DCDC1: variants seen among roughly 807,000 people sequenced by gnomAD.
The protein encoded by DCDC1 is doublecortin domain containing 1.
Under a neutral mutation model 178.3 loss-of-function variants are expected in DCDC1, and 200 were observed. The observed-to-expected ratio is 1.12, with a 90% confidence interval of 1.00 to 1.26. The LOEUF is 1.26. Among genes scored for constraint, DCDC1 ranks in the 50% most tolerant of loss-of-function variants. The probability of loss-of-function intolerance (pLI) is 0.00; values close to 1 mark genes in which losing one functional copy is unlikely to be tolerated. For missense variants in DCDC1, 1,983 were observed against 1,749.2 expected, an observed-to-expected ratio of 1.13 and a Z score of -2.38; for synonymous variants, 690 against 604.8, an observed-to-expected ratio of 1.14 and a Z score of -2.07.
intron 18 of DCDC1, among the ~76,000 whole-genome samples, chr11:31,070,670 T>C (rs1956503330): frequency 6.6e-6 from 1 of 152,196 alleles, no homozygotes; most frequent in Non-Finnish European, 1.5e-5. Flanking sequence ...TGATCGGAAT[T>C]TCACATTTAC....
chr11:30,866,911 G>A lies in DCDC1; in HGVS notation c.*41-1579C>T, dbSNP rs142029683. 1.3e-3 allele frequency among the ~76,000 whole-genome samples: 192 copies of A among 152,290 alleles called. 1 individual carries two copies. Among genetic ancestry groups the A allele is most frequent in the Middle Eastern group, 3.5e-3 (1 of 288 alleles). On this transcript the variant is annotated intron_variant, in intron 38 of 38. Coordinates refer to ENST00000684477, the MANE Select transcript of DCDC1 (RefSeq NM_001387274.1). Reference sequence around the variant, plus strand: ...ATTAATGCTGCTATAAAAAGGGCATGTGGGAGTGGGTTTGCTTTCTCTTGC... The same window carrying A: ...ATTAATGCTGCTATAAAAAGGGCATATGGGAGTGGGTTTGCTTTCTCTTGC...
chr11:31,309,138 A>ATATGTGTG lies in DCDC1; in HGVS notation c.165-1231_165-1230insCACACATA, dbSNP rs1555173319. Among the ~76,000 whole-genome samples the ATATGTGTG allele has an allele frequency of 3.6e-4, 20 of 55,422 alleles. 1 individual carries two copies. The highest frequency in any genetic ancestry group is 1.5e-3 in the African/African-American group (20 of 13,512). 36.4% of individuals were successfully genotyped at this position (55,422 alleles called of 152,430 possible). Reference sequence around the variant, plus strand: ...TAGTCACACATCAGAGGGAAAATAGATGTTTGTGTGTGTGTGTGTGTGTGT... The same window carrying ATATGTGTG: ...TAGTCACACATCAGAGGGAAAATAGATATGTGTGTGTTTGTGTGTGTGTGTGTGTGTGT... On this transcript the variant is annotated intron_variant, in intron 3 of 38. Coordinates refer to ENST00000684477, the MANE Select transcript of DCDC1 (RefSeq NM_001387274.1).
At chr11:31,271,977 A>G (rs1591602125) in intron 7 of DCDC1, among the ~76,000 whole-genome samples, 1 of 152,234 alleles carries the variant, frequency 6.6e-6, no homozygotes, top group Middle Eastern at 3.4e-3. Flanking sequence ...CCTGGCCAAC[A>G]TGGTTGATTC....
chr11:31,342,971 G>C (rs1267992366), intron 1 of DCDC1, among the ~76,000 whole-genome samples: 6 of 151,996 alleles, frequency 3.9e-5, no homozygotes, highest in Non-Finnish European at 5.9e-5. Context: ...CCATAAAGTA[G>C]TTCAGGAGTC....
At position 31,305,708 on chromosome 11, in the gene DCDC1, T is replaced by G. The variant is rs973275788; in HGVS notation, c.661A>C (p.Lys221Gln). The change falls in exon 6 of 39, where the codon AAG becomes CAG. Residue 221 changes from lysine (K) to glutamine (Q), a missense_variant. Lys to Gln is a moderately conservative substitution (Grantham distance 53). Transcript: ENST00000684477. ...ATATCTTCAGGTTCGAGGGCTTCCTTGCCGTCTGCCAAGAACACTCGTCTT... is the reference window on the plus strand; with the variant it reads ...ATATCTTCAGGTTCGAGGGCTTCCTGGCCGTCTGCCAAGAACACTCGTCTT... ...AARRVFLADGKEALEPEDIPH... is the reference protein window; with the variant it reads ...AARRVFLADGQEALEPEDIPH... The G allele has an allele frequency of 6.2e-7, 1 of 1,613,912 alleles. No individual in the cohort carries two copies. The highest frequency in any genetic ancestry group is 8.5e-7 in the Non-Finnish European group (1 of 1,179,900).
chr11:31,032,822 G>C (rs906903226), intron 20 of DCDC1, among the ~76,000 whole-genome samples: 3 of 152,116 alleles, frequency 2.0e-5, no homozygotes, highest in African/African-American at 7.2e-5. Flanking sequence ...GAGCTAACAG[G>C]AGGATAAAAT....
At chr11:31,073,067 T>C (rs895176422) in intron 18 of DCDC1, among the ~76,000 whole-genome samples, 2 of 152,062 alleles carry the variant, frequency 1.3e-5, no homozygotes, top group African/African-American at 4.8e-5. Flanking sequence ...CTTAACTAGA[T>C]GGAAATAGTT....
Position 30,906,355 on chromosome 11 carries a change from T to G in DCDC1, c.4104+185A>C, listed in dbSNP as rs996044655. On this transcript the variant is annotated intron_variant, in intron 30 of 38. Coordinates refer to ENST00000684477, the MANE Select transcript of DCDC1 (RefSeq NM_001387274.1). ...TTCAAAGAGTCTATTGAACTATTAATAGACAATGCATTTTAAATTACAATG... is the reference window on the plus strand; with the variant it reads ...TTCAAAGAGTCTATTGAACTATTAAGAGACAATGCATTTTAAATTACAATG... 9.8e-6 allele frequency: 6 copies of G among 609,560 alleles called. No individual in the cohort carries two copies. The African/African-American group carries it at 1.1e-4, about 11-fold the overall frequency. The allele number at this position is 609,560 out of a possible 1,614,324, so 37.8% of individuals were successfully genotyped here. A position where few individuals can be genotyped will look rare whatever the true frequency, so the allele number is the denominator to read the frequency against.
intron 9 of DCDC1, among the ~76,000 whole-genome samples, chr11:31,214,063 G>A (rs1204209147): frequency 2.0e-5 from 3 of 151,810 alleles, no homozygotes; most frequent in Admixed American, 2.0e-4. Flanking sequence ...TTCACTTATA[G>A]GATAATTGCT....
At chr11:31,117,705 C>CA (rs71060476) in intron 11 of DCDC1, among the ~76,000 whole-genome samples, 86,744 of 146,510 alleles carry the variant, frequency 0.59, 25,619 homozygotes, top group East Asian at 0.92. Context: ...TATGTTTCTG[C>CA]AAAAAAAAAA....
At chr11:31,206,012 C>T (rs1046320983) in intron 9 of DCDC1, among the ~76,000 whole-genome samples, 1 of 152,144 alleles carries the variant, frequency 6.6e-6, no homozygotes, top group African/African-American at 2.4e-5. Flanking sequence ...ACTTTCCCAC[C>T]TATCACTGTC....
At chr11:31,035,541 G>C (rs1486035464) in intron 20 of DCDC1, among the ~76,000 whole-genome samples, 1 of 152,240 alleles carries the variant, frequency 6.6e-6, no homozygotes, top group Non-Finnish European at 1.5e-5. Context: ...TTTAGGGGAA[G>C]AGTACCACAG....
intron 8 of DCDC1, among the ~76,000 whole-genome samples, chr11:31,251,272 A>G (rs1372066027): frequency 6.6e-6 from 1 of 152,168 alleles, no homozygotes; most frequent in Non-Finnish European, 1.5e-5. Flanking sequence ...ACCCATCTAT[A>G]ATGCCTACTT....
Position 31,106,975 on chromosome 11 carries a change from GA to G in DCDC1, c.1588-16del. On this transcript the variant is annotated splice_polypyrimidine_tract_variant and intron_variant, in intron 12 of 38. Transcript: ENST00000684477. ...TTGAGAAGTAACTGGTTGGGGGTTA[GA>G]GGGGCAGAGGGGATAGAGGAGAATA... The G allele has an allele frequency of 1.3e-6, 1 of 761,054 alleles. No individual in the cohort carries two copies. The highest frequency in any genetic ancestry group is 2.4e-6 in the Non-Finnish European group (1 of 416,096). The allele number at this position is 761,054 out of a possible 1,614,324, so 47.1% of individuals were successfully genotyped here. A position where few individuals can be genotyped will look rare whatever the true frequency, so the allele number is the denominator to read the frequency against.
chr11:31,073,974 A>G (rs1232114903), intron 18 of DCDC1, among the ~76,000 whole-genome samples: 1 of 152,206 alleles, frequency 6.6e-6, no homozygotes, highest in African/African-American at 2.4e-5. Context: ...AAATAAAATT[A>G]CCATGCTTAT....
At chr11:31,151,013 G>A (rs970395852) in intron 9 of DCDC1, among the ~76,000 whole-genome samples, 1 of 152,114 alleles carries the variant, frequency 6.6e-6, no homozygotes, top group Non-Finnish European at 1.5e-5. Flanking sequence ...CAAAGATGAG[G>A]AAGAGAAAAG....
intron 9 of DCDC1, among the ~76,000 whole-genome samples, chr11:31,207,760 A>C (rs1366536392): frequency 6.6e-6 from 1 of 152,004 alleles, no homozygotes; most frequent in African/African-American, 2.4e-5. Flanking sequence ...AGTTGTCTAT[A>C]CTTCCTTTCT....
chr11:30,902,405 G>A (rs565724918), intron 32 of DCDC1, among the ~76,000 whole-genome samples: 1 of 152,176 alleles, frequency 6.6e-6, no homozygotes, highest in African/African-American at 2.4e-5. Context: ...GAGAAATAAA[G>A]TTCTGTTCTT....
chr11:31,097,248 A>T (rs1477799909), intron 15 of DCDC1, among the ~76,000 whole-genome samples: 1 of 152,228 alleles, frequency 6.6e-6, no homozygotes, highest in East Asian at 1.9e-4. Context: ...GTAGCCTTCA[A>T]TATTCTTGTG....
Sources: allele counts gnomAD v4.1 joint callset (sites outside exome capture counted in the v4.1 genomes callset), GRCh38; gene constraint gnomAD v4.1.1; transcripts MANE v1.5; gene names NCBI Gene and HGNC (gene_info 2026-07-23, HGNC 2026-07-21).